ZNF658: variants seen among roughly 807,000 people sequenced by gnomAD.
ZNF658 encodes zinc finger protein 658.
ZNF658 carries 46 observed loss-of-function variants against 78.0 expected under a neutral mutation model. That is an observed-to-expected ratio of 0.59 (90% CI 0.47 to 0.75). ZNF658 has a LOEUF of 0.75. ZNF658 is among the 30% of genes least tolerant of loss of function. The probability of loss-of-function intolerance (pLI) is 0.00; values close to 1 mark genes in which losing one functional copy is unlikely to be tolerated. For missense variants in ZNF658, 785 were observed against 1,189.3 expected, an observed-to-expected ratio of 0.66 and a Z score of 5.00; for synonymous variants, 279 against 408.4, an observed-to-expected ratio of 0.68 and a Z score of 3.82.
At chr9:66,905,129 G>A (rs1432871218) in intron 2 of ZNF658, among the ~76,000 whole-genome samples, 2 of 132,696 alleles carry the variant, frequency 1.5e-5, no homozygotes, top group Non-Finnish European at 1.5e-5. Flanking sequence ...AGGCTGGAGT[G>A]CAGTGGCATG....
chr9:66,910,627 T>G (rs1822192935), intron 4 of ZNF658, among the ~76,000 whole-genome samples: 1 of 151,882 alleles, frequency 6.6e-6, no homozygotes. Context: ...GCTAACACGG[T>G]GAAACCCTGT....
At chr9:66,909,305 A>G (rs1046700583) in intron 4 of ZNF658, among the ~76,000 whole-genome samples, 2 of 151,700 alleles carry the variant, frequency 1.3e-5, no homozygotes, top group Admixed American at 1.3e-4. Flanking sequence ...CTGTGTCTAT[A>G]AATATGCCTA....
intron 4 of ZNF658, among the ~76,000 whole-genome samples, chr9:66,914,874 G>T (rs1032180973): frequency 1.1e-4 from 17 of 151,994 alleles, no homozygotes; most frequent in Non-Finnish European, 2.4e-4. Flanking sequence ...TTCTTTTCTT[G>T]AATAGTATTT....
intron 4 of ZNF658, among the ~76,000 whole-genome samples, chr9:66,909,670 C>T (rs1418454996): frequency 1.6e-4 from 24 of 152,094 alleles, no homozygotes; most frequent in African/African-American, 4.3e-4. Flanking sequence ...AGCATTTTTC[C>T]GTTCCTAACA....
chr9:66,914,363 C>T (rs1458589648), intron 4 of ZNF658, among the ~76,000 whole-genome samples: 2 of 151,776 alleles, frequency 1.3e-5, no homozygotes, highest in Non-Finnish European at 2.9e-5. Context: ...AGATTCTGCC[C>T]TTGCTAAAAA....
intron 2 of ZNF658, among the ~76,000 whole-genome samples, chr9:66,904,862 G>T (rs1822036175): frequency 1.3e-5 from 2 of 151,800 alleles, no homozygotes; most frequent in African/African-American, 4.8e-5. Flanking sequence ...GGATATAGAG[G>T]TTATTGGTTG....
chr9:66,910,070 G>T (rs1216430894), intron 4 of ZNF658, among the ~76,000 whole-genome samples: 1 of 152,084 alleles, frequency 6.6e-6, no homozygotes, highest in Non-Finnish European at 1.5e-5. Context: ...TACTGGATTA[G>T]GGTCCTTCCC....
intron 4 of ZNF658, among the ~76,000 whole-genome samples, chr9:66,910,599 G>A (rs1822192055): frequency 6.6e-6 from 1 of 151,992 alleles, no homozygotes; most frequent in Non-Finnish European, 1.5e-5. Context: ...ACGAGGTCAG[G>A]AGATGGAGAC....
chr9:66,903,730 T>C (rs1401135336), intron 2 of ZNF658, among the ~76,000 whole-genome samples, 154 bp downstream of exon 2: 3 of 152,182 alleles, frequency 2.0e-5, no homozygotes, highest in Non-Finnish European at 4.4e-5. Context: ...CAAAGTGGCA[T>C]GTGGATAGAT....
chr9:66,929,598 A>AT (rs1230327066), intron 6 of ZNF658, among the ~76,000 whole-genome samples: 1 of 151,434 alleles, frequency 6.6e-6, no homozygotes, highest in African/African-American at 2.4e-5. Flanking sequence ...ATTTGAGTCA[A>AT]TTTTTCCCCC....
chr9:66,920,274 C>T lies in ZNF658; in HGVS notation c.2708C>T (p.Thr903Ile), dbSNP rs1337685115. The change falls in exon 5 of 5, where the codon ACT becomes ATT. Residue 903 changes from threonine (T) to isoleucine (I), a missense_variant. Around this residue, in one of 12 missense-constraint regions of ZNF658, gnomAD observed 85 missense variants for 108.6 expected, o/e 0.78. Coordinates refer to ENST00000621410, the MANE Select transcript of ZNF658 (RefSeq NM_033160.7). ...KTSHLRAHLR[T>I]RSGEKPYECS... ...TCACATCTCAGAGCACATCTTAGAA[C>T]TCGCTCAGGGGAGAAACCCTATGAA... 1 of 1,609,500 alleles carries T rather than the reference C, an allele frequency of 6.2e-7. No homozygotes were observed. Among genetic ancestry groups the T allele is most frequent in the Middle Eastern group, 1.7e-4 (1 of 6,012 alleles).
chr9:66,909,777 T>G (rs1167210678), intron 4 of ZNF658, among the ~76,000 whole-genome samples: 1 of 152,214 alleles, frequency 6.6e-6, no homozygotes, highest in African/African-American at 2.4e-5. Flanking sequence ...TGAAGTGATA[T>G]CTCACTGTGG....
chr9:66,905,057 CT>C (rs1564168801), intron 2 of ZNF658, among the ~76,000 whole-genome samples: 2,747 of 59,834 alleles, frequency 0.046, 144 homozygotes, highest in Non-Finnish European at 0.068. Context: ...TTTCTTTTCT[CT>C]TTTTCTTTTC....
chr9:66,919,648 T>G lies in ZNF658; in HGVS notation c.2082T>G (p.Thr694=). Residue 694 remains threonine, a synonymous_variant, in exon 5 of 5, where the codon ACT becomes ACG. Transcript: ENST00000621410. ...KPYECSDCEK[T]FAHNSALKIH... ...ATGAATGTAGTGACTGTGAGAAAACTTTTGCCCATAATTCAGCCCTCAAAA... is the reference window on the plus strand; with the variant it reads ...ATGAATGTAGTGACTGTGAGAAAACGTTTGCCCATAATTCAGCCCTCAAAA... 5 of 1,609,968 alleles carry G rather than the reference T, an allele frequency of 3.1e-6. No homozygotes were observed. The South Asian group carries it at 5.5e-5, about 18-fold the overall frequency.
chr9:66,929,532 G>T (rs1002557602), intron 6 of ZNF658, among the ~76,000 whole-genome samples: 1 of 151,698 alleles, frequency 6.6e-6, no homozygotes, highest in Non-Finnish European at 1.5e-5. Context: ...ACTGTGTCTG[G>T]AATGTTTCTT....
In ZNF658 at chr9:66,909,848, G is replaced by A. The variant is rs187239982; in HGVS notation, c.238+1114G>A. On this transcript the variant is annotated intron_variant, in intron 4 of 4. Coordinates refer to ENST00000621410, the MANE Select transcript of ZNF658 (RefSeq NM_033160.7). ...TATCATAATAAAATACCATAGGCTG[G>A]GTAGTTTAAACAACAGAAATTCTCA... Among the ~76,000 whole-genome samples the A allele has an allele frequency of 1.3e-3, 204 of 152,244 alleles. 1 individual carries two copies. The highest frequency in any genetic ancestry group is 6.8e-3 in the Middle Eastern group (2 of 294).
At chr9:66,905,069 T>TC in intron 2 of ZNF658, among the ~76,000 whole-genome samples, 1 of 35,942 alleles carries the variant, frequency 2.8e-5, no homozygotes, top group African/African-American at 1.2e-4. Flanking sequence ...TTTTCTTTTC[T>TC]TTTTTTTTTT....
chr9:66,915,112 G>T (rs1430896302), intron 4 of ZNF658, among the ~76,000 whole-genome samples: 4 of 150,666 alleles, frequency 2.7e-5, no homozygotes, highest in African/African-American at 7.3e-5. Context: ...TATAGAGGAA[G>T]ATTTCATTAC....
At chr9:66,931,474 C>T (rs3119784) in intron 6 of ZNF658, among the ~76,000 whole-genome samples, 52 of 152,142 alleles carry the variant, frequency 3.4e-4, no homozygotes, top group Admixed American at 7.2e-4. Context: ...GACCTGGGAA[C>T]GTTTATCTAT....
Sources: allele counts gnomAD v4.1 joint callset (sites outside exome capture counted in the v4.1 genomes callset), GRCh38; gene constraint gnomAD v4.1.1; regional missense constraint gnomAD v4.1.1; transcripts MANE v1.5; gene names NCBI Gene and HGNC (gene_info 2026-07-23, HGNC 2026-07-21).